The following RXFP1 variants were observed in gnomAD, a reference collection of about 807,000 sequenced individuals.
The protein encoded by RXFP1 is relaxin receptor 1.
Under a neutral mutation model 89.8 loss-of-function variants are expected in RXFP1, and 73 were observed. The observed-to-expected ratio is 0.81, with a 90% CI of 0.67 to 0.99. The LOEUF (loss-of-function observed/expected upper bound fraction) is 0.99, where lower values mean the gene tolerates loss of function less well. Among genes scored for constraint, RXFP1 ranks in the 50% least tolerant of loss-of-function variants. The probability of loss-of-function intolerance (pLI) is 0.00; values close to 1 mark genes in which losing one functional copy is unlikely to be tolerated. For missense variants in RXFP1, 793 were observed against 895.5 expected, an observed-to-expected ratio of 0.89 and a Z score of 1.46; for synonymous variants, 277 against 305.5, an observed-to-expected ratio of 0.91 and a Z score of 0.97.
At chr4:158,531,970 T>G (rs1744163758) in intron 1 of RXFP1, among the ~76,000 whole-genome samples, 1 of 152,110 alleles carries the variant, frequency 6.6e-6, no homozygotes, top group Non-Finnish European at 1.5e-5. Context: ...GGGGTATATG[T>G]GCAGGTTTGT....
intron 8 of RXFP1, among the ~76,000 whole-genome samples, chr4:158,615,602 G>A (rs1262098013): frequency 6.6e-6 from 1 of 151,820 alleles, no homozygotes; most frequent in Non-Finnish European, 1.5e-5. Context: ...TACTGCGATA[G>A]TAACATCAAA....
At chr4:158,562,910 T>C (rs1752798080) in intron 1 of RXFP1, among the ~76,000 whole-genome samples, 1 of 152,182 alleles carries the variant, frequency 6.6e-6, no homozygotes, top group South Asian at 2.1e-4. Context: ...CAGTTAAAGT[T>C]AGAGGCTAAT....
intron 13 of RXFP1, among the ~76,000 whole-genome samples, chr4:158,638,403 A>G (rs1285469492): frequency 6.6e-6 from 1 of 152,166 alleles, no homozygotes; most frequent in East Asian, 1.9e-4. Context: ...ATAATTTATT[A>G]TAAGTGTTTT....
intron 14 of RXFP1, among the ~76,000 whole-genome samples, chr4:158,639,699 G>T (rs191769088): frequency 6.6e-6 from 1 of 151,974 alleles, no homozygotes; most frequent in Admixed American, 6.6e-5. Context: ...GTGAAACCTC[G>T]TCTCTACTAA....
At chr4:158,564,379 A>G (rs2149957752) in intron 1 of RXFP1, among the ~76,000 whole-genome samples, 1 of 152,336 alleles carries the variant, frequency 6.6e-6, no homozygotes, top group Admixed American at 6.5e-5. Flanking sequence ...ATTTGGAAGA[A>G]GACTAAATTA....
In RXFP1 at chr4:158,647,002, A is replaced by T. The variant is rs1464156022; in HGVS notation, c.1557A>T (p.Arg519Ser). 1.9e-6 allele frequency: 3 copies of T among 1,613,956 alleles called. No homozygotes were observed. In the African/African-American group the frequency reaches 4.0e-5, roughly 22 times the overall value. Residue 519 changes from arginine to serine, a missense_variant, in exon 16 of 18, where the codon AGA (arginine) becomes AGT (serine). Transcript: ENST00000307765. ...EKYICIVYPFRCVRPGKCRTI... is the reference protein window; with the variant it reads ...EKYICIVYPFSCVRPGKCRTI... ...ACATCTGCATTGTCTATCCTTTTAG[A>T]TGTGTGAGACCTGGAAAATGCAGAA...
intron 1 of RXFP1, among the ~76,000 whole-genome samples, chr4:158,545,157 G>A (rs562315205): frequency 6.6e-6 from 1 of 151,612 alleles, no homozygotes; most frequent in East Asian, 1.9e-4. Flanking sequence ...GTGTGAGATG[G>A]TATCTCATTG....
At position 158,645,286 on chromosome 4, in the gene RXFP1, G is replaced by T. The variant is rs1263869587; in HGVS notation, c.1345+148G>T. On this transcript the variant is annotated intron_variant, in intron 15 of 17. Coordinates refer to ENST00000307765, the MANE Select transcript of RXFP1 (RefSeq NM_021634.4). ...ATGCTGTTTTCACATTTTCTACAAA[G>T]AAAATAGAATTACTTTAGCAATAAA... The T allele has an allele frequency of 1.9e-5, 12 of 621,206 alleles. No homozygotes were observed. In the East Asian group the frequency reaches 2.8e-4, roughly 15 times the overall value. 38.5% of individuals were successfully genotyped at this position (621,206 alleles called of 1,614,324 possible). A position where few individuals can be genotyped will look rare whatever the true frequency, so the allele number is the denominator to read the frequency against.
chr4:158,616,326 G>T (rs1050669880), intron 8 of RXFP1, among the ~76,000 whole-genome samples: 41 of 152,110 alleles, frequency 2.7e-4, no homozygotes, highest in Admixed American at 1.9e-3. Flanking sequence ...CTACTCAGGA[G>T]GCTGAGGCAG....
chr4:158,633,520 T>A, intron 12 of RXFP1, 44 bp downstream of exon 12: 1 of 1,255,450 alleles, frequency 8.0e-7, no homozygotes, highest in Non-Finnish European at 1.1e-6. Context: ...TTTATTTTAT[T>A]ATTTTTTAAA....
intron 4 of RXFP1, among the ~76,000 whole-genome samples, chr4:158,603,814 C>A (rs1226513807): frequency 6.6e-6 from 1 of 151,152 alleles, no homozygotes; most frequent in East Asian, 1.9e-4. Flanking sequence ...CGCTTGAACC[C>A]AGGAGGCAGA....
chr4:158,602,461 T>C (rs2150100829), intron 4 of RXFP1, among the ~76,000 whole-genome samples: 1 of 152,068 alleles, frequency 6.6e-6, no homozygotes, highest in Non-Finnish European at 1.5e-5. Flanking sequence ...GTTATCTACC[T>C]GAAAAAGGAA....
chr4:158,632,157 C>T (rs79309995), intron 11 of RXFP1, among the ~76,000 whole-genome samples: 9 of 152,166 alleles, frequency 5.9e-5, no homozygotes, highest in Non-Finnish European at 1.0e-4. Flanking sequence ...GTAATTCCTT[C>T]AGTTGTCTAA....
At chr4:158,633,242 A>G (rs55859429) in intron 11 of RXFP1, among the ~76,000 whole-genome samples, 163 bp from the exon 12 acceptor site, 235 of 152,200 alleles carry the variant, frequency 1.5e-3, no homozygotes, top group African/African-American at 5.2e-3. Flanking sequence ...ATATTTTTAT[A>G]TTTTCCAACT....
chr4:158,563,933 G>T (rs551330174), intron 1 of RXFP1, among the ~76,000 whole-genome samples: 3 of 147,146 alleles, frequency 2.0e-5, no homozygotes, highest in African/African-American at 7.4e-5. Context: ...AATATATAAT[G>T]TATAACATGT....
chr4:158,558,526 T>G (rs1200557174), intron 1 of RXFP1, among the ~76,000 whole-genome samples: 1 of 152,186 alleles, frequency 6.6e-6, no homozygotes, highest in Non-Finnish European at 1.5e-5. Flanking sequence ...CCTCATTCTT[T>G]CCTTAATAAC....
rs1479232116 is a variant in RXFP1, at chr4:158,645,134, C to T, written c.1341C>T (p.Leu447=). The T allele has an allele frequency of 6.2e-7, 1 of 1,606,298 alleles. No homozygotes were observed. The highest frequency in any genetic ancestry group is 1.3e-5 in the African/African-American group (1 of 74,774). The change falls in exon 15 of 18, where the codon CTC becomes CTT. Residue 447 remains leucine (L), a synonymous_variant. Transcript: ENST00000307765. ...NKLYAMSIIS[L]CCADCLMGIY... is the part of the protein sequence containing the mutation. Reference sequence around the variant, plus strand: ...TGTATGCCATGTCAATCATTTCTCTCTGCTGTGAGTATTTCCTGGTTAAAG... The same window carrying T: ...TGTATGCCATGTCAATCATTTCTCTTTGCTGTGAGTATTTCCTGGTTAAAG...
At position 158,639,275 on chromosome 4, in the gene RXFP1, T is replaced by C; in HGVS notation, c.1059T>C (p.Ile353=). Residue 353 remains isoleucine, a synonymous_variant, in exon 14 of 18, where the codon ATT becomes ATC. Coordinates refer to ENST00000307765, the MANE Select transcript of RXFP1 (RefSeq NM_021634.4). ...VKLKSLSLEG[I]EISNIQQRMF... is the part of the protein sequence containing the mutation. ...ATATTTTTAGCAGCCTAGAAGGGAT[T>C]GAAATTTCAAATATCCAACAAAGGA... The C allele has an allele frequency of 6.4e-7, 1 of 1,556,252 alleles. No homozygotes were observed. The highest frequency in any genetic ancestry group is 8.9e-7 in the Non-Finnish European group (1 of 1,127,414).
At chr4:158,604,831 AT>A (rs1004669000) in intron 4 of RXFP1, among the ~76,000 whole-genome samples, 1 of 152,182 alleles carries the variant, frequency 6.6e-6, no homozygotes, top group African/African-American at 2.4e-5. Flanking sequence ...ATTTTTTAAC[AT>A]TTTTTGTCAG....
Sources: gnomAD v4.1 joint callset for allele counts (sites outside exome capture counted in the v4.1 genomes callset) on GRCh38, gnomAD v4.1.1 for gene constraint, MANE v1.5 for transcripts, NCBI Gene and HGNC (gene_info 2026-07-23, HGNC 2026-07-21) for gene names.